Variants in LRRC69 observed in about 807,000 individuals in gnomAD.
The protein encoded by LRRC69 is leucine-rich repeat-containing protein 69.
LRRC69 carries 42 observed loss-of-function variants against 37.8 expected under a neutral mutation model. The observed-to-expected ratio is 1.11, with a 90% CI of 0.87 to 1.44. The LOEUF is 1.44. LRRC69 is among the 40% of genes most tolerant of loss of function. The pLI, the probability that LRRC69 is intolerant of heterozygous loss-of-function variation, is 0.00. For missense variants in LRRC69, 357 were observed against 401.9 expected (o/e 0.89, Z 0.96); for synonymous variants, 141 against 143.1 (o/e 0.99, Z 0.11).
chr8:91,176,134 A>ATATATATATATATATATTTTTTT, intron 5 of LRRC69, among the ~76,000 whole-genome samples: 1 of 75,708 alleles, frequency 1.3e-5, no homozygotes, highest in African/African-American at 6.1e-5. Context: ...ATATATATAT[A>ATATATATATATATATATTTTTTT]TTTTTTTTTT....
At chr8:91,106,182 T>C (rs747776468) in intron 1 of LRRC69, among the ~76,000 whole-genome samples, 16 of 152,080 alleles carry the variant, frequency 1.1e-4, no homozygotes, top group Non-Finnish European at 4.4e-5. Flanking sequence ...TTAAAGTTAA[T>C]TTGAACTCTT....
At chr8:91,219,111 A>G (rs1458784531), downstream of LRRC69, 9 of 460,144 alleles carry the variant, frequency 2.0e-5, no homozygotes, top group Non-Finnish European at 3.1e-5. Context: ...CAACACATTA[A>G]ATAAAGGAAG....
At chr8:91,146,110 G>T (rs1586244590) in intron 5 of LRRC69, among the ~76,000 whole-genome samples, 1 of 151,774 alleles carries the variant, frequency 6.6e-6, no homozygotes, top group African/African-American at 2.4e-5. Flanking sequence ...CCTATAAAAT[G>T]TAAGTGCTGC....
Position 91,124,653 on chromosome 8 carries a change from T to C in LRRC69, c.310+34T>C, listed in dbSNP as rs962242750. 1.1e-5 allele frequency: 16 copies of C among 1,471,340 alleles called. No individual in the cohort carries two copies. In the Admixed American group the frequency reaches 4.4e-4, roughly 41 times the overall value. The allele number at this position is 1,471,340 out of a possible 1,614,324, so 91.1% of individuals were successfully genotyped here. On this transcript the variant is annotated intron_variant, in intron 2 of 7. Transcript: ENST00000448384. ...ATCAACAAGGAACAACATTATAGCA[T>C]CAAATTTAATCTCTCATATTTAATA...
intron 5 of LRRC69, among the ~76,000 whole-genome samples, chr8:91,177,887 T>C (rs1040922785): frequency 2.7e-5 from 4 of 150,864 alleles, no homozygotes; most frequent in Non-Finnish European, 5.9e-5. Flanking sequence ...CTTGCTGTGT[T>C]GCCCAGGCTG....
At chr8:91,216,312 G>A (rs1015367292) in intron 7 of LRRC69, among the ~76,000 whole-genome samples, 1 of 152,116 alleles carries the variant, frequency 6.6e-6, no homozygotes, top group East Asian at 1.9e-4. Flanking sequence ...CTGCCCATGC[G>A]ATGTCCTAAT....
At position 91,198,063 on chromosome 8, in the gene LRRC69, G is replaced by A. The variant is rs372430928; in HGVS notation, c.754-2550G>A. Among the ~76,000 whole-genome samples the A allele has an allele frequency of 1.6e-4, 25 of 152,252 alleles. No homozygotes were observed. In the East Asian group the frequency reaches 3.7e-3, roughly 22 times the overall value. On this transcript the variant is annotated intron_variant, in intron 6 of 7. Coordinates refer to ENST00000448384, the Ensembl canonical transcript of LRRC69. ...AATGTTACTGATTAAAGTACTTGCT[G>A]TGTCAAAGAATTCTAGGAACTATGA...
At chr8:91,170,933 G>A (rs1005320293) in intron 5 of LRRC69, among the ~76,000 whole-genome samples, 1 of 140,424 alleles carries the variant, frequency 7.1e-6, no homozygotes, top group Non-Finnish European at 1.5e-5. Context: ...CTTCTGCACA[G>A]CAAAAGAAAC....
intron 7 of LRRC69, among the ~76,000 whole-genome samples, chr8:91,215,239 C>A (rs1810022064): frequency 6.6e-6 from 1 of 152,048 alleles, no homozygotes; most frequent in East Asian, 1.9e-4. Flanking sequence ...CATTATTTTG[C>A]CTACTGAGAT....
intron 1 of LRRC69, among the ~76,000 whole-genome samples, chr8:91,117,225 A>G (rs71528767): frequency 0.053 from 8,041 of 152,146 alleles, 312 homozygotes; most frequent in Middle Eastern, 0.16. Flanking sequence ...GTAGGATTGA[A>G]TAAAGGGAAT....
At chr8:91,191,871 T>G (rs1809501993) in intron 6 of LRRC69, among the ~76,000 whole-genome samples, 1 of 151,968 alleles carries the variant, frequency 6.6e-6, no homozygotes, top group Admixed American at 6.6e-5. Context: ...ATACTTAAAG[T>G]TTTAGGGTAC....
chr8:91,159,551 CT>C (rs1340124405), intron 5 of LRRC69, among the ~76,000 whole-genome samples: 1 of 151,052 alleles, frequency 6.6e-6, no homozygotes, highest in Non-Finnish European at 1.5e-5. Flanking sequence ...TACACTCTAG[CT>C]GAAAGAGCAA....
intron 1 of LRRC69, among the ~76,000 whole-genome samples, chr8:91,120,037 G>A (rs1016404518): frequency 2.0e-5 from 3 of 151,764 alleles, no homozygotes; most frequent in African/African-American, 7.3e-5. Context: ...CTTGGGGGTG[G>A]GGGGGAACTC....
Position 91,103,970 on chromosome 8 carries a change from G to A in LRRC69, c.183+1126G>A, listed in dbSNP as rs542848757. Among the ~76,000 whole-genome samples, 23 of 151,918 alleles carry A rather than the reference G, an allele frequency of 1.5e-4. 1 individual carries two copies. In the South Asian group the frequency reaches 4.4e-3, roughly 29 times the overall value. On this transcript the variant is annotated intron_variant, in intron 1 of 7. Transcript: ENST00000448384. ...AAATATTACAAAAAGCTTATAGCAAGAAGCTATCTTCTATCCCACTTCCCC... is the reference window on the plus strand; with the variant it reads ...AAATATTACAAAAAGCTTATAGCAAAAAGCTATCTTCTATCCCACTTCCCC...
At chr8:91,151,454 T>A (rs1311149483) in intron 5 of LRRC69, among the ~76,000 whole-genome samples, 1 of 151,892 alleles carries the variant, frequency 6.6e-6, no homozygotes, top group Non-Finnish European at 1.5e-5. Context: ...TGAGGGACAG[T>A]TTGTTATAAT....
intron 5 of LRRC69, among the ~76,000 whole-genome samples, chr8:91,139,526 C>T (rs911168755): frequency 9.3e-3 from 1 of 108 alleles, no homozygotes; most frequent in Admixed American, 0.1. Flanking sequence ...CCGCCCACTT[C>T]GGCCCTCTCA....
chr8:91,159,502 A>G (rs530174019), intron 5 of LRRC69, among the ~76,000 whole-genome samples: 1 of 151,386 alleles, frequency 6.6e-6, no homozygotes, highest in South Asian at 2.1e-4. Flanking sequence ...ATGAAGACAC[A>G]TGGTTGTGAA....
chr8:91,205,429 G>A (rs1290935533), intron 7 of LRRC69: 1 of 152,164 alleles, frequency 6.6e-6, no homozygotes, highest in Non-Finnish European at 1.5e-5. Flanking sequence ...ATCACCTGAT[G>A]TCAGGTATTT....
At chr8:91,189,743 T>A in intron 6 of LRRC69, 120 bp downstream of exon 6, 1 of 570,122 alleles carries the variant, frequency 1.8e-6, no homozygotes, top group Non-Finnish European at 3.0e-6. Flanking sequence ...CCTAGTCCAT[T>A]GGCAATGTGG....
Sources: gnomAD v4.1 joint callset for allele counts (sites outside exome capture counted in the v4.1 genomes callset) on GRCh38, gnomAD v4.1.1 for gene constraint, MANE v1.5 for transcripts, NCBI Gene and HGNC (gene_info 2026-07-23, HGNC 2026-07-21) for gene names.